PTGES3: variants seen among roughly 807,000 people sequenced by gnomAD.
The protein encoded by PTGES3 is Hsp90 co-chaperone.
Under a neutral mutation model 29.9 loss-of-function variants are expected in PTGES3, and 5 were observed. The observed-to-expected ratio is 0.17, with a 90% confidence interval of 0.09 to 0.35. PTGES3 has a LOEUF of 0.35. PTGES3 is among the 10% of genes least tolerant of loss of function. PTGES3 has a pLI of 1.00. For synonymous variants in PTGES3, 49 were observed against 57.8 expected, an observed-to-expected ratio of 0.85 and a Z score of 0.69; for missense variants, 128 against 190.0, an observed-to-expected ratio of 0.67 and a Z score of 1.92.
rs1410896253 is a variant in PTGES3, at chr12:56,688,015, G to A, written c.-16C>T. On this transcript the variant is annotated 5_prime_UTR_variant, in exon 1 of 8. Coordinates refer to ENST00000262033, the MANE Select transcript of PTGES3 (RefSeq NM_006601.7). ...GCACTCACATTGTGAACGGGGCAGGGGGACGGGCGAACTGGTGGGCGGGCC... is the reference window on the plus strand; with the variant it reads ...GCACTCACATTGTGAACGGGGCAGGAGGACGGGCGAACTGGTGGGCGGGCC... The A allele has an allele frequency of 9.1e-6, 14 of 1,544,660 alleles. No individual in the cohort carries two copies. Among genetic ancestry groups the A allele is most frequent in the Non-Finnish European group, 1.2e-5 (14 of 1,144,758 alleles).
intron 5 of PTGES3, among the ~76,000 whole-genome samples, chr12:56,666,645 T>G (rs1254514354): frequency 2.6e-5 from 4 of 152,030 alleles, no homozygotes; most frequent in Non-Finnish European, 4.4e-5. Flanking sequence ...CTTTTTTTTT[T>G]GAGACAGAGT....
At chr12:56,670,809 G>C (rs970775760) in intron 4 of PTGES3, 1 of 166,514 alleles carries the variant, frequency 6.0e-6, no homozygotes, top group Admixed American at 5.8e-5. Context: ...AGCACACAAA[G>C]AATAGACTAA....
chr12:56,664,378 A>G lies in PTGES3; in HGVS notation c.*101T>C, dbSNP rs563216916. 63 of 1,348,256 alleles carry G rather than the reference A, an allele frequency of 4.7e-5. No homozygotes were observed. The African/African-American group carries it at 7.5e-4, about 16-fold the overall frequency. 83.5% of individuals were successfully genotyped at this position (1,348,256 alleles called of 1,614,324 possible). ...ATGGGTTAAAGTAGGCAAATACAGC[A>G]TATCTGCCTTTAGAGCTATCAACTC... On this transcript the variant is annotated 3_prime_UTR_variant, in exon 8 of 8. Coordinates refer to ENST00000262033, the MANE Select transcript of PTGES3 (RefSeq NM_006601.7).
chr12:56,673,712 G>A (rs57406430), intron 1 of PTGES3, among the ~76,000 whole-genome samples: 10,939 of 147,458 alleles, frequency 0.074, 989 homozygotes, highest in African/African-American at 0.22. Flanking sequence ...AGCATCGCTT[G>A]AACCTGGGAG....
At chr12:56,686,390 T>G (rs1034877029) in intron 1 of PTGES3, among the ~76,000 whole-genome samples, 1 of 142,208 alleles carries the variant, frequency 7.0e-6, no homozygotes, top group African/African-American at 2.6e-5. Context: ...TTATTTATTT[T>G]GAGACGGGTT....
intron 1 of PTGES3, among the ~76,000 whole-genome samples, chr12:56,674,823 CTCAAA>C (rs1952154397): frequency 1.3e-4 from 2 of 15,036 alleles, no homozygotes; most frequent in South Asian, 9.0e-3. Flanking sequence ...AAGACTCCAT[CTCAAA>C]AAAAAAAAAA....
chr12:56,687,256 T>C (rs1053146354), intron 1 of PTGES3: 7 of 1,007,810 alleles, frequency 6.9e-6, no homozygotes, highest in East Asian at 9.7e-5. Flanking sequence ...TCACCTCAAG[T>C]AGAACATGAA....
At chr12:56,678,058 A>G (rs1952348377) in intron 1 of PTGES3, among the ~76,000 whole-genome samples, 1 of 151,256 alleles carries the variant, frequency 6.6e-6, no homozygotes, top group African/African-American at 2.4e-5. Flanking sequence ...AGACATTTAT[A>G]GGCAAGGTGT....
At chr12:56,672,432 T>C (rs773456723) in intron 3 of PTGES3, among the ~76,000 whole-genome samples, 6 of 152,102 alleles carry the variant, frequency 3.9e-5, no homozygotes, top group Non-Finnish European at 8.8e-5. Flanking sequence ...AGGCAGAGGT[T>C]GCAGTGAGCC....
At chr12:56,681,205 C>T (rs1041705758) in intron 1 of PTGES3, among the ~76,000 whole-genome samples, 1 of 152,068 alleles carries the variant, frequency 6.6e-6, no homozygotes, top group African/African-American at 2.4e-5. Context: ...TTTCGGACAG[C>T]CCCTTTATGA....
chr12:56,666,072 T>C (rs755608677), intron 6 of PTGES3, 132 bp downstream of exon 6: 42 of 1,403,694 alleles, frequency 3.0e-5, no homozygotes, highest in African/African-American at 1.0e-4. Context: ...ATTTTAAAAA[T>C]TGCTTTTCCC....
intron 1 of PTGES3, among the ~76,000 whole-genome samples, chr12:56,684,155 G>T (rs969907113): frequency 2.6e-5 from 4 of 151,918 alleles, no homozygotes; most frequent in African/African-American, 9.7e-5. Flanking sequence ...ATTTACAAAG[G>T]TTTTTTTTCC....
chr12:56,678,112 ACT>A (rs1952352087), intron 1 of PTGES3, among the ~76,000 whole-genome samples: 1 of 151,990 alleles, frequency 6.6e-6, no homozygotes, highest in Admixed American at 6.6e-5. Flanking sequence ...TCCAGGAACT[ACT>A]TTTTTCCTTT....
intron 1 of PTGES3, among the ~76,000 whole-genome samples, chr12:56,681,710 C>T (rs989231507): frequency 2.0e-5 from 3 of 151,474 alleles, no homozygotes; most frequent in African/African-American, 7.3e-5. Context: ...CAAAAATTAG[C>T]CAGGTACGGT....
intron 1 of PTGES3, among the ~76,000 whole-genome samples, chr12:56,676,232 C>CAAAA (rs60053201): frequency 4.3e-3 from 553 of 129,622 alleles, no homozygotes; most frequent in African/African-American, 5.2e-3. Context: ...TCTCCCCCCC[C>CAAAA]AAAAAAAAAA....
chr12:56,678,083 G>C (rs1417318630), intron 1 of PTGES3, among the ~76,000 whole-genome samples: 1 of 125,910 alleles, frequency 7.9e-6, no homozygotes, highest in African/African-American at 3.2e-5. Context: ...TACCTAAGAA[G>C]GAAAAACCAT....
chr12:56,685,180 C>A (rs1376058965), intron 1 of PTGES3, among the ~76,000 whole-genome samples: 1 of 152,130 alleles, frequency 6.6e-6, no homozygotes, highest in Non-Finnish European at 1.5e-5. Context: ...GGATGACGAC[C>A]CATTAAAGGC....
At chr12:56,667,296 G>A (rs1222489884) in intron 5 of PTGES3, among the ~76,000 whole-genome samples, 1 of 152,140 alleles carries the variant, frequency 6.6e-6, no homozygotes, top group African/African-American at 2.4e-5. Flanking sequence ...CAGATGATGA[G>A]AAACTTATTT....
rs2137764924 is a variant in PTGES3 at position 56,688,062 on chromosome 12, A to G, written c.-63T>C. On this transcript the variant is annotated 5_prime_UTR_variant, in exon 1 of 8. Coordinates refer to ENST00000262033, the MANE Select transcript of PTGES3 (RefSeq NM_006601.7). ...GGCCTCTCTGGCGGCGGCTGCTGCT[A>G]GGGAGTCGACTTCTCTCCGGTGGCG... The G allele has an allele frequency of 6.8e-7, 1 of 1,473,392 alleles. No homozygotes were observed. The highest frequency in any genetic ancestry group is 1.3e-5 in the South Asian group (1 of 74,838). 91.3% of individuals were successfully genotyped at this position (1,473,392 alleles called of 1,614,324 possible). A position where few individuals can be genotyped will look rare whatever the true frequency, so the allele number is the denominator to read the frequency against.
Sources: allele counts gnomAD v4.1 joint callset (sites outside exome capture counted in the v4.1 genomes callset), GRCh38; gene constraint gnomAD v4.1.1; transcripts MANE v1.5; gene names NCBI Gene and HGNC (gene_info 2026-07-23, HGNC 2026-07-21).